The following SUMF1 variants were observed in gnomAD, a reference collection of about 807,000 sequenced individuals.
SUMF1 encodes the protein formylglycine-generating enzyme.
A neutral mutation model predicts 47.6 loss-of-function variants in SUMF1; 48 were observed. The observed-to-expected ratio is 1.01, with a 90% CI of 0.80 to 1.28. SUMF1 has a LOEUF of 1.28. Ranked by LOEUF, SUMF1 falls within the 50% of genes most tolerant of loss-of-function variation. The pLI is 0.00. For synonymous variants in SUMF1, 230 were observed against 192.1 expected (o/e 1.20, Z -1.63); for missense variants, 571 against 485.4 (o/e 1.18, Z -1.66).
chr3:4,276,850 G>A (rs551588311), intron 8 of SUMF1, among the ~76,000 whole-genome samples: 1 of 152,006 alleles, frequency 6.6e-6, no homozygotes, highest in South Asian at 2.1e-4. Flanking sequence ...CCATAATTTT[G>A]TAAAATACAG....
chr3:4,115,593 C>G (rs613932), intron 8 of SUMF1, among the ~76,000 whole-genome samples: 116,680 of 151,976 alleles, frequency 0.77, 45,007 homozygotes, highest in Admixed American at 0.81. Context: ...GTTCCTCCGA[C>G]GGGTTTGGGC....
chr3:4,089,309 T>C (rs960195658), intron 8 of SUMF1, among the ~76,000 whole-genome samples: 4 of 152,146 alleles, frequency 2.6e-5, no homozygotes, highest in African/African-American at 9.7e-5. Flanking sequence ...AATACAACTC[T>C]CAACAATTGG....
At chr3:4,350,221 A>C (rs1217697444) in intron 8 of SUMF1, among the ~76,000 whole-genome samples, 1 of 151,792 alleles carries the variant, frequency 6.6e-6, no homozygotes, top group Non-Finnish European at 1.5e-5. Flanking sequence ...ATATAAAATC[A>C]CCATGTTGTT....
chr3:4,319,498 G>C (rs1374288792), intron 8 of SUMF1, among the ~76,000 whole-genome samples: 1 of 152,186 alleles, frequency 6.6e-6, no homozygotes, highest in Non-Finnish European at 1.5e-5. Flanking sequence ...TCGATGTGGT[G>C]ATCTGGTGAG....
At chr3:4,357,769 A>G (rs1293589760), downstream of SUMF1, among the ~76,000 whole-genome samples, 1 of 151,716 alleles carries the variant, frequency 6.6e-6, no homozygotes, top group Non-Finnish European at 1.5e-5. Flanking sequence ...CAACAAGCCC[A>G]GCTAAGTTTT....
chr3:4,062,990 G>A (rs890446715), intron 9 of SUMF1, among the ~76,000 whole-genome samples: 1 of 152,094 alleles, frequency 6.6e-6, no homozygotes, highest in Non-Finnish European at 1.5e-5. Flanking sequence ...TTTCTGGAAG[G>A]AAAGATGTCC....
At chr3:4,360,538 G>A (rs1404771914), downstream of SUMF1, among the ~76,000 whole-genome samples, 11 of 151,910 alleles carry the variant, frequency 7.2e-5, no homozygotes, top group Admixed American at 1.3e-4. Context: ...TTGGCATGTT[G>A]GCCAAGCTAA....
At chr3:4,259,143 T>C (rs1024360462) in intron 8 of SUMF1, among the ~76,000 whole-genome samples, 5 of 148,172 alleles carry the variant, frequency 3.4e-5, no homozygotes, top group Non-Finnish European at 7.5e-5. Context: ...GGGATAGCAT[T>C]GGGAGATATA....
At chr3:4,252,097 C>A (rs1042874335) in intron 8 of SUMF1, among the ~76,000 whole-genome samples, 2 of 152,114 alleles carry the variant, frequency 1.3e-5, no homozygotes, top group Non-Finnish European at 2.9e-5. Context: ...TCCTCATGGT[C>A]CTCACCCCAC....
At chr3:4,271,922 T>A (rs940114449) in intron 8 of SUMF1, among the ~76,000 whole-genome samples, 1 of 152,196 alleles carries the variant, frequency 6.6e-6, no homozygotes, top group African/African-American at 2.4e-5. Flanking sequence ...TATTCCTACA[T>A]AGCCTCTGGT....
intron 8 of SUMF1, among the ~76,000 whole-genome samples, chr3:4,142,554 T>C (rs1694096110): frequency 6.6e-6 from 1 of 152,182 alleles, no homozygotes. Context: ...ATTGCAACTC[T>C]TTGTATACTC....
Position 4,458,245 on chromosome 3 carries a change from G to T in SUMF1, c.271-5196C>A, listed in dbSNP as rs183863438. On this transcript the variant is annotated intron_variant, in intron 1 of 8. Transcript: ENST00000272902. ...ATGAAAGATAACAAGTGTTGGAGAA[G>T]ATGTAGAGAAAAAGGAACTCTACTG... Among the ~76,000 whole-genome samples the T allele has an allele frequency of 1.1e-3, 175 of 152,256 alleles. 1 individual carries two copies. The highest frequency in any genetic ancestry group is 4.0e-3 in the African/African-American group (168 of 41,546).
At chr3:4,272,045 A>G (rs1003110828) in intron 8 of SUMF1, among the ~76,000 whole-genome samples, 1 of 152,192 alleles carries the variant, frequency 6.6e-6, no homozygotes, top group Non-Finnish European at 1.5e-5. Flanking sequence ...CTCTTGGTAG[A>G]TACTGAGATA....
intron 3 of SUMF1, among the ~76,000 whole-genome samples, chr3:4,423,962 C>A (rs956054784): frequency 1.3e-5 from 2 of 152,178 alleles, no homozygotes; most frequent in African/African-American, 4.8e-5. Flanking sequence ...AAAGCTGATA[C>A]CAGAGCTACG....
At chr3:4,213,167 G>T (rs572034044) in intron 8 of SUMF1, among the ~76,000 whole-genome samples, 4 of 152,088 alleles carry the variant, frequency 2.6e-5, no homozygotes. Context: ...AGAGAGAAAG[G>T]TCGGGTTACA....
intron 6 of SUMF1, among the ~76,000 whole-genome samples, chr3:4,415,588 G>C (rs1296127682): frequency 6.6e-6 from 1 of 152,134 alleles, no homozygotes; most frequent in Non-Finnish European, 1.5e-5. Flanking sequence ...TGAGGCGGGA[G>C]GATCGCCTGA....
intron 8 of SUMF1, among the ~76,000 whole-genome samples, chr3:4,341,665 C>T (rs1699275486): frequency 6.6e-6 from 1 of 152,068 alleles, no homozygotes; most frequent in Non-Finnish European, 1.5e-5. Context: ...AAGTCATTTG[C>T]TATTGAACAA....
At chr3:4,216,657 A>C (rs562410624) in intron 8 of SUMF1, among the ~76,000 whole-genome samples, 25 of 152,338 alleles carry the variant, frequency 1.6e-4, no homozygotes, top group Admixed American at 4.6e-4. Context: ...CAAAGAACTC[A>C]AACAAATTTA....
At chr3:4,243,156 G>A (rs112677642) in intron 8 of SUMF1, among the ~76,000 whole-genome samples, 4,420 of 151,956 alleles carry the variant, frequency 0.029, 237 homozygotes, top group African/African-American at 0.1. Flanking sequence ...TCCCTCTTTT[G>A]TTCTTTATTA....
Sources: allele counts gnomAD v4.1 joint callset (sites outside exome capture counted in the v4.1 genomes callset), GRCh38; gene constraint gnomAD v4.1.1; transcripts MANE v1.5; gene names NCBI Gene and HGNC (gene_info 2026-07-23, HGNC 2026-07-21).